The following NYAP2 variants were observed in gnomAD, a reference collection of about 807,000 sequenced individuals.
NYAP2 encodes the protein neuronal tyrosine-phosphorylated phosphoinositide-3-kinase adaptor 2, also known as neuronal tyrosine-phosphorylated phosphoinositide-3-kinase adapter 2.
NYAP2 carries 23 observed loss-of-function variants against 50.4 expected under a neutral mutation model. The ratio of observed to expected loss-of-function variants is 0.46; its 90% confidence interval spans 0.33 to 0.65. The LOEUF is 0.65. Among genes scored for constraint, NYAP2 ranks in the 30% least tolerant of loss-of-function variants. The pLI is 0.02. For missense variants in NYAP2, 885 were observed against 861.0 expected (o/e 1.03, Z -0.35); for synonymous variants, 394 against 365.2 (o/e 1.08, Z -0.90).
chr2:225,594,340 G>A (rs1052969452), intron 5 of NYAP2, among the ~76,000 whole-genome samples: 1 of 151,900 alleles, frequency 6.6e-6, no homozygotes, highest in Non-Finnish European at 1.5e-5. Flanking sequence ...CCTGGCCAAC[G>A]TGGTGAAACC....
At chr2:225,483,713 T>G (rs1690245643) in intron 3 of NYAP2, among the ~76,000 whole-genome samples, 1 of 152,222 alleles carries the variant, frequency 6.6e-6, no homozygotes, top group Non-Finnish European at 1.5e-5. Context: ...TGGAAAGTTT[T>G]GTTTATATTT....
chr2:225,447,676 A>G (rs1292849258), intron 3 of NYAP2, among the ~76,000 whole-genome samples: 1 of 152,212 alleles, frequency 6.6e-6, no homozygotes, highest in Non-Finnish European at 1.5e-5. Context: ...ATTAAATAGA[A>G]GAGGTTGAAA....
chr2:225,588,043 G>T (rs1249067676), intron 5 of NYAP2, among the ~76,000 whole-genome samples: 1 of 151,898 alleles, frequency 6.6e-6, no homozygotes, highest in Non-Finnish European at 1.5e-5. Flanking sequence ...TCCTGCCTCA[G>T]TCTCCCGAGT....
In NYAP2 at chr2:225,415,881, TA is replaced by T. The variant is rs762183963; in HGVS notation, c.221+6790del. ...TAACTAACCTATGCTTTGAGCAACA[TA>T]AAAAAAAAAGCCCTCAGCCATCCTC... On this transcript the variant is annotated intron_variant, in intron 3 of 6. Coordinates refer to ENST00000636099, the Ensembl canonical transcript of NYAP2. Among the ~76,000 whole-genome samples, 698 of 146,500 alleles carry T rather than the reference TA, an allele frequency of 4.8e-3. 15 individuals are homozygous for T. The highest frequency in any genetic ancestry group is 0.04 in the Admixed American group (594 of 14,688).
intron 4 of NYAP2, among the ~76,000 whole-genome samples, chr2:225,566,389 G>C (rs143252259): frequency 7.2e-5 from 11 of 152,268 alleles, no homozygotes; most frequent in African/African-American, 2.4e-4. Flanking sequence ...ACTTCCAAAG[G>C]ATAATCCTCA....
rs1691749353 is a variant in NYAP2, at chr2:225,554,851, T to C, written c.524-27090T>C. On this transcript the variant is annotated intron_variant, in intron 4 of 6. Coordinates refer to ENST00000636099, the Ensembl canonical transcript of NYAP2. ...ATGAGTAACAATGTGAGATGATAGA[T>C]ATGTTAGTTTGTTCCACTATAATAA... 2.0e-5 allele frequency among the ~76,000 whole-genome samples: 3 copies of C among 152,172 alleles called. No individual in the cohort carries two copies. The South Asian group carries it at 6.2e-4, about 32-fold the overall frequency.
At chr2:225,653,125 A>C (rs570677068) in exon 7 of NYAP2, 1 of 152,350 alleles carries the variant, frequency 6.6e-6, no homozygotes, top group East Asian at 1.9e-4. Context: ...AAGCTATTCC[A>C]AAAATATTGT....
At chr2:225,683,013 C>A in the NYAP2 span, among the ~76,000 whole-genome samples, 17 of 152,060 alleles carry the variant, frequency 1.1e-4, no homozygotes, top group Admixed American at 5.9e-4. Flanking sequence ...AGTCATTTCC[C>A]CCCCCCATTC....
At chr2:225,480,463 G>A (rs2106164720) in intron 3 of NYAP2, among the ~76,000 whole-genome samples, 1 of 152,222 alleles carries the variant, frequency 6.6e-6, no homozygotes, top group Admixed American at 6.5e-5. Context: ...GGGCATTTGA[G>A]CTAGCACTTG....
At chr2:225,645,579 C>G (rs1693621263) in intron 6 of NYAP2, among the ~76,000 whole-genome samples, 1 of 151,972 alleles carries the variant, frequency 6.6e-6, no homozygotes. Context: ...ACAAGTGAGT[C>G]AACTTTTACT....
At position 225,632,002 on chromosome 2, in the gene NYAP2, G is replaced by T. The variant is rs141913402; in HGVS notation, c.1828+4876G>T. ...CTGGCTAATTTTGGCATTTTTAGTA[G>T]AGACGGGGTTTCATCGCATTGATCA... On this transcript the variant is annotated intron_variant, in intron 6 of 6. Transcript: ENST00000636099. Among the ~76,000 whole-genome samples the T allele has an allele frequency of 1.4e-3, 207 of 152,218 alleles. 1 individual carries two copies. The highest frequency in any genetic ancestry group is 4.8e-3 in the African/African-American group (201 of 41,534).
chr2:225,624,935 A>G (rs1317263872), intron 5 of NYAP2, among the ~76,000 whole-genome samples: 1 of 150,470 alleles, frequency 6.6e-6, no homozygotes, highest in African/African-American at 2.4e-5. Context: ...TGCTCAATAT[A>G]TGACAGCCTG....
chr2:225,604,354 A>C (rs560131375), intron 5 of NYAP2, among the ~76,000 whole-genome samples: 2 of 152,174 alleles, frequency 1.3e-5, no homozygotes, highest in African/African-American at 4.8e-5. Flanking sequence ...GTGATTCCCT[A>C]TTCTACATCC....
chr2:225,606,801 T>C (rs1274649082), intron 5 of NYAP2, among the ~76,000 whole-genome samples: 1 of 152,134 alleles, frequency 6.6e-6, no homozygotes, highest in Non-Finnish European at 1.5e-5. Flanking sequence ...ATCTCATAAA[T>C]GGGCCACTCA....
intron 3 of NYAP2, among the ~76,000 whole-genome samples, chr2:225,509,197 T>C (rs1013770369): frequency 2.0e-5 from 3 of 152,172 alleles, no homozygotes; most frequent in Non-Finnish European, 4.4e-5. Flanking sequence ...TCGTGAGAAG[T>C]TGGAGTCCTT....
At chr2:225,507,736 A>G (rs1280625823) in intron 3 of NYAP2, among the ~76,000 whole-genome samples, 1 of 152,274 alleles carries the variant, frequency 6.6e-6, no homozygotes, top group African/African-American at 2.4e-5. Flanking sequence ...ACTTAAATGT[A>G]GGAATTTTAT....
At chr2:225,430,754 G>T (rs2106133509) in intron 3 of NYAP2, among the ~76,000 whole-genome samples, 1 of 152,012 alleles carries the variant, frequency 6.6e-6, no homozygotes, top group South Asian at 2.1e-4. Context: ...GAAAAATACA[G>T]ACATAAATAG....
chr2:225,409,175 T>C, intron 3 of NYAP2, 74 bp downstream of exon 3: 1 of 1,126,088 alleles, frequency 8.9e-7, no homozygotes, highest in Admixed American at 2.2e-5. Flanking sequence ...GTTGTGATGT[T>C]GTCACTTGGT....
the NYAP2 span, among the ~76,000 whole-genome samples, chr2:225,683,006 C>A: frequency 8.3e-6 from 1 of 120,908 alleles, no homozygotes; most frequent in Non-Finnish European, 1.6e-5. Context: ...TAGTAATAGT[C>A]ATTTCCCCCC....
Sources: gnomAD v4.1 joint callset for allele counts (sites outside exome capture counted in the v4.1 genomes callset) on GRCh38, gnomAD v4.1.1 for gene constraint, MANE v1.5 for transcripts, NCBI Gene and HGNC (gene_info 2026-07-23, HGNC 2026-07-21) for gene names.